Variants in MSRA observed in about 807,000 individuals in gnomAD.
MSRA encodes the protein methionine sulfoxide reductase A.
In MSRA, 54 loss-of-function variants were observed where a neutral mutation model predicts 31.3. The ratio of observed to expected loss-of-function variants is 1.73; its 90% confidence interval spans 1.39 to 2.17. The LOEUF (loss-of-function observed/expected upper bound fraction) is 2.17. Among genes scored for constraint, MSRA ranks in the 30% most tolerant of loss-of-function variants. The pLI is 0.00. For synonymous variants in MSRA, 169 were observed against 116.5 expected (o/e 1.45, Z -2.90); for missense variants, 507 against 300.9 (o/e 1.69, Z -5.07).
chr8:10,367,709 C>A (rs1041482131), intron 5 of MSRA, among the ~76,000 whole-genome samples: 6 of 152,246 alleles, frequency 3.9e-5, no homozygotes, highest in Non-Finnish European at 1.5e-5. Flanking sequence ...CGATCGCGGG[C>A]ATCCCATTGC....
At chr8:10,314,419 A>T (rs77510671) in intron 4 of MSRA, among the ~76,000 whole-genome samples, 16,549 of 152,090 alleles carry the variant, frequency 0.11, 962 homozygotes, top group South Asian at 0.16. Flanking sequence ...GTTATTAATC[A>T]GGAAAATGCA....
intron 5 of MSRA, among the ~76,000 whole-genome samples, chr8:10,414,409 A>G (rs1808336721): frequency 6.6e-6 from 1 of 152,202 alleles, no homozygotes; most frequent in Non-Finnish European, 1.5e-5. Flanking sequence ...AATGCCTCCA[A>G]CCATTCTGCA....
At chr8:10,315,653 G>T (rs1378749045) in intron 4 of MSRA, among the ~76,000 whole-genome samples, 2 of 152,214 alleles carry the variant, frequency 1.3e-5, no homozygotes, top group African/African-American at 4.8e-5. Flanking sequence ...GCACATGTGT[G>T]CTTGGTACTG....
intron 1 of MSRA, among the ~76,000 whole-genome samples, chr8:10,164,056 C>G (rs1804906254): frequency 6.6e-6 from 1 of 152,248 alleles, no homozygotes; most frequent in African/African-American, 2.4e-5. Flanking sequence ...AGGTCCTTCT[C>G]TTAAGTTTTT....
At chr8:10,294,394 G>T (rs187244084) in intron 3 of MSRA, among the ~76,000 whole-genome samples, 1 of 152,172 alleles carries the variant, frequency 6.6e-6, no homozygotes, top group East Asian at 1.9e-4. Context: ...AATGCCTCCC[G>T]TGGAGTTTTG....
chr8:10,183,627 C>T (rs1408494945), intron 1 of MSRA, among the ~76,000 whole-genome samples: 2 of 152,180 alleles, frequency 1.3e-5, no homozygotes, highest in Admixed American at 6.5e-5. Context: ...ACAGGCTGAT[C>T]TCTGGCTAGG....
intron 5 of MSRA, among the ~76,000 whole-genome samples, chr8:10,371,450 G>A (rs1805470923): frequency 6.6e-6 from 1 of 152,068 alleles, no homozygotes; most frequent in Admixed American, 6.5e-5. Context: ...TTCTTTCTAG[G>A]GTTCCCACAC....
intron 5 of MSRA, among the ~76,000 whole-genome samples, chr8:10,426,337 G>T (rs906192780): frequency 2.0e-5 from 3 of 152,226 alleles, no homozygotes; most frequent in African/African-American, 7.2e-5. Flanking sequence ...AGAATCGTTA[G>T]CAGGGCTGTT....
chr8:10,335,571 C>T (rs982713476), intron 5 of MSRA, among the ~76,000 whole-genome samples: 7 of 152,154 alleles, frequency 4.6e-5, no homozygotes, highest in Admixed American at 1.3e-4. Flanking sequence ...CAGATGACCC[C>T]GGCGCCTGAT....
chr8:10,253,828 A>G (rs1341277166), intron 3 of MSRA, among the ~76,000 whole-genome samples: 2 of 152,182 alleles, frequency 1.3e-5, no homozygotes, highest in Non-Finnish European at 2.9e-5. Context: ...GACAATTTTT[A>G]GAGCCTTAGA....
intron 1 of MSRA, among the ~76,000 whole-genome samples, chr8:10,164,189 TATC>T (rs530857665): frequency 6.6e-6 from 1 of 152,252 alleles, no homozygotes; most frequent in Non-Finnish European, 1.5e-5. Flanking sequence ...TGTTAGCAGG[TATC>T]ATTCTCACCA....
chr8:10,234,606 C>T (rs745973784), intron 2 of MSRA, among the ~76,000 whole-genome samples: 3 of 151,730 alleles, frequency 2.0e-5, no homozygotes, highest in Non-Finnish European at 4.4e-5. Context: ...TTTAAATAGC[C>T]AGAGTAAATA....
Position 10,213,685 on chromosome 8 carries a change from C to G in MSRA, c.211+5784C>G, listed in dbSNP as rs979163339. ...TCTCCTGACCTCGTGATCTGCCTGC[C>G]TCGGCCTCCCCAGGTACCACATTTT... is the stretch of plus-strand genomic sequence containing the variant. On this transcript the variant is annotated intron_variant, in intron 2 of 5. Coordinates refer to ENST00000317173, the MANE Select transcript of MSRA (RefSeq NM_012331.5). Among the ~76,000 whole-genome samples, 3 of 151,786 alleles carry G rather than the reference C, an allele frequency of 2.0e-5. No individual in the cohort carries two copies. In the South Asian group the frequency reaches 6.2e-4, roughly 32 times the overall value.
intron 5 of MSRA, among the ~76,000 whole-genome samples, chr8:10,352,803 G>C (rs952226231): frequency 2.6e-5 from 4 of 152,126 alleles, no homozygotes; most frequent in African/African-American, 9.7e-5. Context: ...CAGAACGCGT[G>C]CCAGAGCCAG....
chr8:10,223,452 T>A (rs1385677426), intron 2 of MSRA, among the ~76,000 whole-genome samples: 1 of 152,208 alleles, frequency 6.6e-6, no homozygotes, highest in African/African-American at 2.4e-5. Flanking sequence ...CTTAACTCTT[T>A]TACCTCCACA....
At chr8:10,102,276 TAA>T (rs1799581584) in intron 1 of MSRA, among the ~76,000 whole-genome samples, 1 of 152,200 alleles carries the variant, frequency 6.6e-6, no homozygotes, top group South Asian at 2.1e-4. Flanking sequence ...ATGTGAATAT[TAA>T]AACTTTGTTA....
intron 1 of MSRA, among the ~76,000 whole-genome samples, chr8:10,178,495 C>T (rs1331597617): frequency 6.6e-6 from 1 of 152,060 alleles, no homozygotes; most frequent in Non-Finnish European, 1.5e-5. Context: ...TTGAAAAAAA[C>T]TGCTATCATC....
At chr8:10,399,104 A>G (rs1434702740) in intron 5 of MSRA, among the ~76,000 whole-genome samples, 1 of 152,228 alleles carries the variant, frequency 6.6e-6, no homozygotes, top group Non-Finnish European at 1.5e-5. Context: ...AGGCTGCAAA[A>G]CTTTAAAGAT....
chr8:10,185,378 G>A (rs1046611893), intron 1 of MSRA, among the ~76,000 whole-genome samples: 1 of 152,184 alleles, frequency 6.6e-6, no homozygotes, highest in African/African-American at 2.4e-5. Flanking sequence ...TTTTACCTAA[G>A]CATTGTGGGT....
Sources: allele counts gnomAD v4.1 joint callset (sites outside exome capture counted in the v4.1 genomes callset), GRCh38; gene constraint gnomAD v4.1.1; transcripts MANE v1.5; gene names NCBI Gene and HGNC (gene_info 2026-07-23, HGNC 2026-07-21).